Variants in CAMTA2 observed in about 807,000 individuals in gnomAD.
CAMTA2 encodes the protein calmodulin-binding transcription activator 2.
Under a neutral mutation model 135.7 loss-of-function variants are expected in CAMTA2, and 56 were observed. The observed-to-expected ratio is 0.41, with a 90% confidence interval of 0.33 to 0.52. The LOEUF (loss-of-function observed/expected upper bound fraction) is 0.52, where lower values mean the gene tolerates loss of function less well. CAMTA2 is among the 20% of genes least tolerant of loss of function. The pLI, the probability that CAMTA2 is intolerant of heterozygous loss-of-function variation, is 0.16. For missense variants in CAMTA2, 1,358 were observed against 1,553.4 expected (o/e 0.87, Z 2.11); for synonymous variants, 591 against 604.6 (o/e 0.98, Z 0.33).
At chr17:4,981,514 C>T (rs1026761569) in intron 7 of CAMTA2, among the ~76,000 whole-genome samples, 155 bp from the exon 8 acceptor site, 6 of 152,214 alleles carry the variant, frequency 3.9e-5, no homozygotes, top group African/African-American at 1.4e-4. Flanking sequence ...TGCTTTAGTC[C>T]TTTCTCCGTA....
At position 4,979,888 on chromosome 17, in the gene CAMTA2, C is replaced by T. The variant is rs752713749; in HGVS notation, c.1434G>A (p.Pro478=). 2.0e-5 allele frequency: 30 copies of T among 1,528,854 alleles called. No individual in the cohort carries two copies. Among genetic ancestry groups the T allele is most frequent in the Middle Eastern group, 3.5e-4 (2 of 5,722 alleles). 94.7% of individuals were successfully genotyped at this position (1,528,854 alleles called of 1,614,324 possible). The change falls in exon 9 of 23, where the codon CCG becomes CCA. Residue 478 remains proline (P), a synonymous_variant. Transcript: ENST00000348066. The part of the protein sequence containing the change: ...SPPPSPAPLE[P]SSRVGRGEAL... Reference sequence around the variant, plus strand: ...CCTCTCCTCTTCCTACCCTGCTTGACGGCTCCAAGGGGGCAGGTGAGGGTG... The same window carrying T: ...CCTCTCCTCTTCCTACCCTGCTTGATGGCTCCAAGGGGGCAGGTGAGGGTG...
intron 1 of CAMTA2, chr17:4,987,110 G>C: frequency 7.3e-7 from 1 of 1,367,198 alleles, no homozygotes; most frequent in Non-Finnish European, 9.4e-7. Flanking sequence ...GCTGGGGTTG[G>C]GGTAAGGACT....
rs1196582700 is a variant in CAMTA2 at position 4,969,975 on chromosome 17, G to A, written c.3116C>T (p.Thr1039Ile). Residue 1039 changes from threonine to isoleucine, a missense_variant, in exon 18 of 23, where the codon ACA becomes ATA. Transcript: ENST00000348066. This position sits in a 1 kb window ranked among gnomAD's most constrained non-coding sequence, Gnocchi z 5.6. ...TTCCCGCTGCTCGTGATCTGATAGT[G>A]TCAGCAGGGCAAAATCACTTTCCAT... is the stretch of plus-strand genomic sequence containing the variant. ...GKMESDFALL[T>I]LSDHEQRELY... 2 of 1,614,054 alleles carry A rather than the reference G, an allele frequency of 1.2e-6. No homozygotes were observed. The highest frequency in any genetic ancestry group is 2.7e-5 in the African/African-American group (2 of 74,922).
At position 4,983,041 on chromosome 17, in the gene CAMTA2, C is replaced by G; in HGVS notation, c.138G>C (p.Glu46Asp). 1 of 1,613,758 alleles carries G rather than the reference C, an allele frequency of 6.2e-7. No homozygotes were observed. Among genetic ancestry groups the G allele is most frequent in the East Asian group, 2.2e-5 (1 of 44,862 alleles). The change falls in exon 4 of 23, where the codon GAG becomes GAC. Residue 46 changes from glutamate to aspartate, a missense_variant and splice_region_variant. By Grantham distance (45) the Glu-to-Asp change is conservative. Coordinates refer to ENST00000348066, the MANE Select transcript of CAMTA2 (RefSeq NM_015099.4). ...PERLRWNTNE[E>D]IASYLITFEK... is the part of the protein sequence containing the mutation. Reference sequence around the variant, plus strand: ...CAAAGGTGATCAGGTAGGATGCAATCTCCTGTAGGAGAGGAGGCACTCAGC... The same window carrying G: ...CAAAGGTGATCAGGTAGGATGCAATGTCCTGTAGGAGAGGAGGCACTCAGC...
In CAMTA2 at chr17:4,969,985, C is replaced by A; in HGVS notation, c.3106G>T (p.Ala1036Ser). The A allele has an allele frequency of 1.2e-6, 2 of 1,614,168 alleles. No individual in the cohort carries two copies. The highest frequency in any genetic ancestry group is 1.7e-6 in the Non-Finnish European group (2 of 1,180,030). ...STSGKMESDFALLTLSDHEQR... is the reference protein window; with the variant it reads ...STSGKMESDFSLLTLSDHEQR... ...TCGTGATCTGATAGTGTCAGCAGGG[C>A]AAAATCACTTTCCATCTTGCCACTG... is the stretch of plus-strand genomic sequence containing the variant. Residue 1036 changes from alanine to serine, a missense_variant, in exon 18 of 23, where the codon GCC (alanine) becomes TCC (serine). Physicochemically the swap from Ala to Ser is moderately conservative, Grantham distance 99. Coordinates refer to ENST00000348066, the MANE Select transcript of CAMTA2 (RefSeq NM_015099.4). This position sits in a 1 kb window ranked among gnomAD's most constrained non-coding sequence, Gnocchi z 5.6.
At position 4,975,942 on chromosome 17, in the gene CAMTA2, T is replaced by C. The variant is rs1314206858; in HGVS notation, c.1900+1116A>G. ...ATAGATACACGTATGTATGTGCCTCTATGTTTGTGTTAGTACACCATGTTA... is the reference window on the plus strand; with the variant it reads ...ATAGATACACGTATGTATGTGCCTCCATGTTTGTGTTAGTACACCATGTTA... On this transcript the variant is annotated intron_variant, in intron 11 of 22. Coordinates refer to ENST00000348066, the MANE Select transcript of CAMTA2 (RefSeq NM_015099.4). 4.6e-5 allele frequency among the ~76,000 whole-genome samples: 7 copies of C among 152,316 alleles called. No homozygotes were observed. The East Asian group carries it at 1.3e-3, about 29-fold the overall frequency.
Position 4,981,233 on chromosome 17 carries a change from C to G in CAMTA2, c.692G>C (p.Gly231Ala). ...APRTHACLCS[G>A]GLGSGSLTHK... ...GTCAGGGAGTAACTTACCAAGCCCC[C>G]CACTGCAGAGACAGGCGTGGGTTCG... Residue 231 changes from glycine (G) to alanine (A), a missense_variant, in exon 8 of 23, where the codon GGG becomes GCG. Coordinates refer to ENST00000348066, the MANE Select transcript of CAMTA2 (RefSeq NM_015099.4). 2 of 1,613,642 alleles carry G rather than the reference C, an allele frequency of 1.2e-6. No homozygotes were observed. The highest frequency in any genetic ancestry group is 1.7e-6 in the Non-Finnish European group (2 of 1,179,922).
At position 4,978,586 on chromosome 17, in the gene CAMTA2, G is replaced by T. The variant is rs746757485; in HGVS notation, c.1683C>A (p.Ala561=). The change falls in exon 10 of 23, where the codon GCC becomes GCA. Residue 561 remains alanine, a synonymous_variant. Coordinates refer to ENST00000348066, the MANE Select transcript of CAMTA2 (RefSeq NM_015099.4). The stretch of plus-strand genomic sequence containing the variant: ...GATCAAAGACACAGGAGTAATGCTC[G>T]GCGGCTTCGGTCCAAGGACCTGTGA... ...VLITGPWTEA[A]EHYSCVFDHI... is the part of the protein sequence containing the mutation. 1.5e-5 allele frequency: 24 copies of T among 1,614,024 alleles called. No homozygotes were observed. Among genetic ancestry groups the T allele is most frequent in the Non-Finnish European group, 2.0e-5 (24 of 1,179,978 alleles).
At chr17:4,972,101 T>A (rs770169964) in intron 16 of CAMTA2, 131 bp downstream of exon 16, 22 of 756,966 alleles carry the variant, frequency 2.9e-5, no homozygotes, top group Non-Finnish European at 2.9e-5. Context: ...AAGGCTACCT[T>A]GCCTGTCCCA....
Position 4,969,384 on chromosome 17 carries a change from G to A in CAMTA2, c.3283-47C>T, listed in dbSNP as rs750778352. 6.2e-7 allele frequency: 1 copy of A among 1,609,786 alleles called. No individual in the cohort carries two copies. Among genetic ancestry groups the A allele is most frequent in the Non-Finnish European group, 8.5e-7 (1 of 1,176,132 alleles). On this transcript the variant is annotated intron_variant, in intron 20 of 22. Coordinates refer to ENST00000348066, the MANE Select transcript of CAMTA2 (RefSeq NM_015099.4). The surrounding 1 kb of genome is among the most constrained non-coding windows in gnomAD (Gnocchi z 5.6). ...ACAGGGGCTGAAATAGAGGGACGGA[G>A]ACCCAAAGCCCTGAGGCTCACCCAA...
intron 16 of CAMTA2, 72 bp downstream of exon 16, chr17:4,972,160 G>T: frequency 7.7e-7 from 1 of 1,304,062 alleles, no homozygotes; most frequent in Non-Finnish European, 1.1e-6. Flanking sequence ...CTTTGATTCT[G>T]CTTCATGGAA....
intron 16 of CAMTA2, among the ~76,000 whole-genome samples, chr17:4,971,511 A>T (rs1222050516): frequency 6.6e-6 from 1 of 151,960 alleles, no homozygotes; most frequent in African/African-American, 2.4e-5. Context: ...GCCTATTTTT[A>T]AAAAATTATT....
At chr17:4,986,128 G>T in intron 2 of CAMTA2, 64 bp downstream of exon 2, 2 of 1,127,180 alleles carry the variant, frequency 1.8e-6, no homozygotes, top group Non-Finnish European at 1.4e-6. Flanking sequence ...GAATTAGAGG[G>T]CCACTAAAGC....
rs367576965 is a variant in CAMTA2, at chr17:4,972,267, C to G, written c.2773G>C (p.Asp925His). The change falls in exon 16 of 23, where the codon GAC becomes CAC. Residue 925 changes from aspartate to histidine, a missense_variant. Physicochemically the swap from Asp to His is moderately conservative, Grantham distance 81 (BLOSUM62 -1). Around this residue, in one of 4 missense-constraint regions of CAMTA2, gnomAD observed 1,077 missense variants for 1,127.5 expected, o/e 0.96. Transcript: ENST00000348066. Reference sequence around the variant, plus strand: ...TCCACAGCCTGTGGGCTGTCAGCGTCCTCTGGAGCAGCCCCATCATCTGAA... The same window carrying G: ...TCCACAGCCTGTGGGCTGTCAGCGTGCTCTGGAGCAGCCCCATCATCTGAA... ...PASDDGAAPE[D>H]ADSPQAVDVI... The G allele has an allele frequency of 1.9e-6, 3 of 1,613,928 alleles. No individual in the cohort carries two copies. In the African/African-American group the frequency reaches 4.0e-5, roughly 22 times the overall value.
At chr17:4,978,780 G>T in intron 9 of CAMTA2, 150 bp from the exon 10 acceptor site, 1 of 749,728 alleles carries the variant, frequency 1.3e-6, no homozygotes, top group Non-Finnish European at 2.0e-6. Context: ...CCAGTGGGGT[G>T]AGGTCAGTGA....
Position 4,974,509 on chromosome 17 carries a change from G to A in CAMTA2, c.1901-9C>T. 1.3e-6 allele frequency: 2 copies of A among 1,582,122 alleles called. No individual in the cohort carries two copies. The highest frequency in any genetic ancestry group is 1.7e-6 in the Non-Finnish European group (2 of 1,150,836). ...CATCCGGAACTGGTTGTCTGAGGGG[G>A]AACGGGTATGGGAGGCTGAGTGGGC... On this transcript the variant is annotated splice_polypyrimidine_tract_variant and intron_variant, in intron 11 of 22. Coordinates refer to ENST00000348066, the MANE Select transcript of CAMTA2 (RefSeq NM_015099.4).
chr17:4,984,741 C>T (rs1471359704), intron 3 of CAMTA2, among the ~76,000 whole-genome samples: 1 of 152,196 alleles, frequency 6.6e-6, no homozygotes, highest in Non-Finnish European at 1.5e-5. Flanking sequence ...AAGGTTCCAG[C>T]CGGGCGTGGT....
chr17:4,979,520 A>AAT, intron 9 of CAMTA2, 164 bp downstream of exon 9: 2 of 460,622 alleles, frequency 4.3e-6, no homozygotes, highest in Non-Finnish European at 7.6e-6. Flanking sequence ...AAAAAAAAAA[A>AAT]AAAAAAAAAG....
Position 4,968,566 on chromosome 17 carries a change from G to A in CAMTA2, c.*190C>T, listed in dbSNP as rs755391141. The stretch of plus-strand genomic sequence containing the variant: ...CTGGAGCCAGGACCAAAAGAGACGG[G>A]GCACGACCAGGAGGGACGAGGAGAG... On this transcript the variant is annotated 3_prime_UTR_variant, in exon 23 of 23. Transcript: ENST00000348066. 2 of 633,570 alleles carry A rather than the reference G, an allele frequency of 3.2e-6. No homozygotes were observed. The highest frequency in any genetic ancestry group is 3.8e-5 in the South Asian group (2 of 53,312). The allele number at this position is 633,570 out of a possible 1,614,324, so 39.2% of individuals were successfully genotyped here. A position where few individuals can be genotyped will look rare whatever the true frequency, so the allele number is the denominator to read the frequency against.
Sources: allele counts gnomAD v4.1 joint callset (sites outside exome capture counted in the v4.1 genomes callset), GRCh38; gene constraint gnomAD v4.1.1; regional missense constraint gnomAD v4.1.1; non-coding constraint Gnocchi (gnomAD v3.1); transcripts MANE v1.5; gene names NCBI Gene and HGNC (gene_info 2026-07-23, HGNC 2026-07-21).